ADAMTSL3: variants seen among roughly 807,000 people sequenced by gnomAD.
The protein encoded by ADAMTSL3 is ADAMTS-like protein 3.
A neutral mutation model predicts 201.7 loss-of-function variants in ADAMTSL3; 128 were observed. That is an observed-to-expected ratio of 0.63 (90% CI 0.55 to 0.73). The LOEUF (loss-of-function observed/expected upper bound fraction) is 0.73. Among genes scored for constraint, ADAMTSL3 ranks in the 30% least tolerant of loss-of-function variants. The probability of loss-of-function intolerance (pLI) is 0.00; values close to 1 mark genes in which losing one functional copy is unlikely to be tolerated. For missense variants in ADAMTSL3, 1,990 were observed against 2,119.6 expected (o/e 0.94, Z 1.20); for synonymous variants, 738 against 748.4 (o/e 0.99, Z 0.23).
chr15:83,778,978 C>T (rs952996720), intron 4 of ADAMTSL3, among the ~76,000 whole-genome samples: 10 of 151,312 alleles, frequency 6.6e-5, no homozygotes, highest in African/African-American at 2.0e-4. Flanking sequence ...CCTGGTTTCA[C>T]ACAAAACAGA....
intron 23 of ADAMTSL3, among the ~76,000 whole-genome samples, chr15:84,003,291 T>A (rs1165122312): frequency 1.3e-5 from 2 of 152,082 alleles, no homozygotes; most frequent in Non-Finnish European, 2.9e-5. Flanking sequence ...ATATTAAGAC[T>A]CATTTAGCTC....
chr15:83,820,078 T>G (rs1261098268), intron 6 of ADAMTSL3, 31 bp downstream of exon 6: 2 of 1,548,526 alleles, frequency 1.3e-6, no homozygotes, highest in South Asian at 2.2e-5. Flanking sequence ...ATCCCCTGCT[T>G]TGGGGATGTG....
chr15:84,037,944 A>T lies in ADAMTSL3; in HGVS notation c.*138A>T. The T allele has an allele frequency of 7.7e-7, 1 of 1,295,188 alleles. No homozygotes were observed. The highest frequency in any genetic ancestry group is 1.0e-6 in the Non-Finnish European group (1 of 979,850). 80.2% of individuals were successfully genotyped at this position (1,295,188 alleles called of 1,614,324 possible). A position where few individuals can be genotyped will look rare whatever the true frequency, so the allele number is the denominator to read the frequency against. On this transcript the variant is annotated 3_prime_UTR_variant, in exon 30 of 30. Coordinates refer to ENST00000286744, the MANE Select transcript of ADAMTSL3 (RefSeq NM_207517.3). Reference sequence around the variant, plus strand: ...ATCAAACAGAGGTTGATGCAAAAACACCACTGTTAAGGTGTAAAGTGAAAT... The same window carrying T: ...ATCAAACAGAGGTTGATGCAAAAACTCCACTGTTAAGGTGTAAAGTGAAAT...
chr15:83,698,502 T>G (rs748011690), intron 2 of ADAMTSL3, among the ~76,000 whole-genome samples: 62 of 152,316 alleles, frequency 4.1e-4, no homozygotes, highest in Non-Finnish European at 2.4e-4. Flanking sequence ...CTCCTAGGCC[T>G]GGCTCAGTGC....
intron 2 of ADAMTSL3, among the ~76,000 whole-genome samples, chr15:83,698,731 G>T (rs575141428): frequency 6.6e-6 from 1 of 152,138 alleles, no homozygotes; most frequent in Admixed American, 6.5e-5. Context: ...TGTGAACTCA[G>T]CCATTTCTCC....
chr15:84,000,780 G>A lies in ADAMTSL3; in HGVS notation c.3973+9566G>A, dbSNP rs550173039. On this transcript the variant is annotated intron_variant, in intron 23 of 29. Coordinates refer to ENST00000286744, the MANE Select transcript of ADAMTSL3 (RefSeq NM_207517.3). ...CAAAGCAGCATATATGCAAAAGCACGGAAACATGAAAGCACCCTGCTTACT... is the reference window on the plus strand; with the variant it reads ...CAAAGCAGCATATATGCAAAAGCACAGAAACATGAAAGCACCCTGCTTACT... 7.9e-5 allele frequency among the ~76,000 whole-genome samples: 12 copies of A among 152,252 alleles called. No individual in the cohort carries two copies. The East Asian group carries it at 1.9e-3, about 24-fold the overall frequency.
chr15:83,759,152 A>G (rs571554915), intron 3 of ADAMTSL3, among the ~76,000 whole-genome samples: 1 of 152,290 alleles, frequency 6.6e-6, no homozygotes, highest in East Asian at 1.9e-4. Context: ...AGAAAAGTTA[A>G]GAGACTAGTA....
At chr15:83,989,513 A>G (rs2067546355) in intron 22 of ADAMTSL3, among the ~76,000 whole-genome samples, 1 of 152,212 alleles carries the variant, frequency 6.6e-6, no homozygotes, top group Non-Finnish European at 1.5e-5. Context: ...AAGAATAATT[A>G]TCTTTTATAG....
intron 15 of ADAMTSL3, among the ~76,000 whole-genome samples, chr15:83,912,566 G>A (rs1258291024): frequency 2.6e-5 from 4 of 152,088 alleles, no homozygotes; most frequent in East Asian, 1.9e-4. Flanking sequence ...CAGAAGCTTC[G>A]TGCACTTGTG....
intron 2 of ADAMTSL3, among the ~76,000 whole-genome samples, chr15:83,697,337 C>T (rs979581052): frequency 1.3e-5 from 2 of 152,168 alleles, no homozygotes; most frequent in African/African-American, 4.8e-5. Context: ...ATTCACTGGA[C>T]ACCACTGGGT....
chr15:83,991,993 A>G (rs12439997), intron 23 of ADAMTSL3, among the ~76,000 whole-genome samples: 28 of 152,262 alleles, frequency 1.8e-4, no homozygotes, highest in Admixed American at 1.8e-3. Flanking sequence ...GCTTCCTTAG[A>G]GAAACTTATG....
At chr15:83,947,264 A>T (rs1251228544) in intron 19 of ADAMTSL3, among the ~76,000 whole-genome samples, 2 of 152,238 alleles carry the variant, frequency 1.3e-5, no homozygotes, top group African/African-American at 4.8e-5. Flanking sequence ...TGGACACAGA[A>T]AGGCTGAGCA....
Position 83,991,091 on chromosome 15 carries a change from C to G in ADAMTSL3, c.3850C>G (p.Pro1284Ala). 1 of 1,614,192 alleles carries G rather than the reference C, an allele frequency of 6.2e-7. No individual in the cohort carries two copies. Among genetic ancestry groups the G allele is most frequent in the South Asian group, 1.1e-5 (1 of 91,084 alleles). Residue 1284 changes from proline (P) to alanine (A), a missense_variant, in exon 23 of 30, where the codon CCT becomes GCT. Coordinates refer to ENST00000286744, the MANE Select transcript of ADAMTSL3 (RefSeq NM_207517.3). ...ESSSVLYAEA[P>A]VILSVERNIT... is the part of the protein sequence containing the mutation. ...CCTGCTCCCTTTGAATTAAGAGGCA[C>G]CTGTCATCTTGTCTGTTGAAAGAAA...
chr15:83,838,366 G>A, intron 7 of ADAMTSL3, 151 bp downstream of exon 7: 3 of 1,112,846 alleles, frequency 2.7e-6, no homozygotes, highest in South Asian at 3.4e-5. Flanking sequence ...TCCAAGAAGT[G>A]TGTATCAAAC....
chr15:83,670,840 T>A (rs2061321182), intron 2 of ADAMTSL3, among the ~76,000 whole-genome samples: 1 of 152,246 alleles, frequency 6.6e-6, no homozygotes, highest in Non-Finnish European at 1.5e-5. Flanking sequence ...TGGTATCTCC[T>A]GGGCTAAACC....
intron 2 of ADAMTSL3, among the ~76,000 whole-genome samples, chr15:83,670,282 A>AAT (rs2061314108): frequency 3.6e-5 from 5 of 137,664 alleles, no homozygotes; most frequent in South Asian, 2.6e-4. Flanking sequence ...AAAAAAAAAA[A>AAT]AGAACAGAAA....
At chr15:84,021,162 G>A (rs764474802) in intron 25 of ADAMTSL3, among the ~76,000 whole-genome samples, 1 of 152,138 alleles carries the variant, frequency 6.6e-6, no homozygotes, top group African/African-American at 2.4e-5. Flanking sequence ...CCAGCTGGCC[G>A]ATGATAGTCC....
Position 83,897,997 on chromosome 15 carries a change from A to C in ADAMTSL3, c.1607A>C (p.Lys536Thr). The change falls in exon 14 of 30, where the codon AAA (lysine) becomes ACA (threonine). Residue 536 changes from lysine to threonine, a missense_variant. Physicochemically the swap from Lys to Thr is moderately conservative, Grantham distance 78. Coordinates refer to ENST00000286744, the MANE Select transcript of ADAMTSL3 (RefSeq NM_207517.3). ...TGTGTCATTCCCATCCCGTGTTATA[A>C]ACCAAAAGGTAAGTCTGTGGTGCAC... ...EECVIPIPCY[K>T]PKEKSPVEAK... The C allele has an allele frequency of 6.2e-7, 1 of 1,613,342 alleles. No homozygotes were observed. Among genetic ancestry groups the C allele is most frequent in the East Asian group, 2.2e-5 (1 of 44,870 alleles).
chr15:83,758,852 T>C (rs903640065), intron 3 of ADAMTSL3, among the ~76,000 whole-genome samples: 7 of 152,210 alleles, frequency 4.6e-5, no homozygotes, highest in Non-Finnish European at 8.8e-5. Flanking sequence ...TCCCATTCTG[T>C]GGATTACCTT....
Sources: gnomAD v4.1 joint callset for allele counts (sites outside exome capture counted in the v4.1 genomes callset) on GRCh38, gnomAD v4.1.1 for gene constraint, MANE v1.5 for transcripts, NCBI Gene and HGNC (gene_info 2026-07-23, HGNC 2026-07-21) for gene names.